Variants in TENM3 observed in about 807,000 individuals in gnomAD.
TENM3 encodes the protein teneurin transmembrane protein 3.
In TENM3, 63 loss-of-function variants were observed where a neutral mutation model predicts 255.1. That is an observed-to-expected ratio of 0.25 (90% CI 0.20 to 0.30). The LOEUF is 0.30. Among genes scored for constraint, TENM3 ranks in the 10% least tolerant of loss-of-function variants. The pLI, the probability that TENM3 is intolerant of heterozygous loss-of-function variation, is 1.00. For missense variants in TENM3, 2,929 were observed against 3,461.1 expected, an observed-to-expected ratio of 0.85 and a Z score of 3.86; for synonymous variants, 1,306 against 1,322.3, an observed-to-expected ratio of 0.99 and a Z score of 0.27.
rs563327434 is a variant in TENM3 at position 182,398,367 on chromosome 4, G to T, written c.511+51438G>T. Reference sequence around the variant, plus strand: ...ACATGCACCCCACACCTCCACTGGGGTTACTGTAGTTACTGAACAATTACC... The same window carrying T: ...ACATGCACCCCACACCTCCACTGGGTTTACTGTAGTTACTGAACAATTACC... On this transcript the variant is annotated intron_variant, in intron 3 of 27. Transcript: ENST00000511685. Among the ~76,000 whole-genome samples, 5 of 152,220 alleles carry T rather than the reference G, an allele frequency of 3.3e-5. No homozygotes were observed. In the South Asian group the frequency reaches 1.0e-3, roughly 32 times the overall value.
At chr4:181,977,442 A>C in the TENM3 span, among the ~76,000 whole-genome samples, 21 of 152,330 alleles carry the variant, frequency 1.4e-4, no homozygotes, top group South Asian at 4.4e-3. Flanking sequence ...TATCACGGTG[A>C]ATGTGACTCT....
At chr4:181,882,754 G>T in the TENM3 span, among the ~76,000 whole-genome samples, 2 of 152,166 alleles carry the variant, frequency 1.3e-5, no homozygotes, top group African/African-American at 4.8e-5. Flanking sequence ...TAATTCCGCA[G>T]TCCACTCATC....
At chr4:182,548,454 CT>C (rs1741673175) in intron 3 of TENM3, among the ~76,000 whole-genome samples, 1 of 152,120 alleles carries the variant, frequency 6.6e-6, no homozygotes, top group Admixed American at 6.5e-5. Flanking sequence ...AAGCTTTGGA[CT>C]GAAAAGCAAG....
At chr4:182,764,589 GAA>G (rs1363348920) in intron 22 of TENM3, among the ~76,000 whole-genome samples, 2 of 152,202 alleles carry the variant, frequency 1.3e-5, no homozygotes, top group East Asian at 1.9e-4. Context: ...AGAAGAGAGA[GAA>G]AGAGACTGCT....
intron 3 of TENM3, among the ~76,000 whole-genome samples, chr4:182,473,441 A>G (rs1464294692): frequency 1.3e-5 from 2 of 152,232 alleles, no homozygotes; most frequent in African/African-American, 2.4e-5. Flanking sequence ...TGGGAGGCCA[A>G]GGCGGGTGGA....
At chr4:182,032,625 T>A in the TENM3 span, among the ~76,000 whole-genome samples, 1 of 152,200 alleles carries the variant, frequency 6.6e-6, no homozygotes, top group Non-Finnish European at 1.5e-5. Context: ...TTAGAGGAAA[T>A]GGTACCAGCT....
At chr4:181,799,338 T>G in the TENM3 span, among the ~76,000 whole-genome samples, 1 of 152,198 alleles carries the variant, frequency 6.6e-6, no homozygotes, top group East Asian at 1.9e-4. Flanking sequence ...CATAAAACAA[T>G]GTAGAATATA....
At chr4:181,555,002 T>G in the TENM3 span, among the ~76,000 whole-genome samples, 1 of 152,196 alleles carries the variant, frequency 6.6e-6, no homozygotes, top group Admixed American at 6.5e-5. Flanking sequence ...GAGATAGAAT[T>G]TAACCGGTAA....
chr4:182,213,399 T>G (rs1418943035), intron 1 of TENM3, among the ~76,000 whole-genome samples: 3 of 152,216 alleles, frequency 2.0e-5, no homozygotes, highest in Non-Finnish European at 4.4e-5. Flanking sequence ...ATAATTACAC[T>G]GTTCAAGATT....
At chr4:182,177,243 A>T (rs1057390297) in intron 1 of TENM3, among the ~76,000 whole-genome samples, 9 of 152,096 alleles carry the variant, frequency 5.9e-5, no homozygotes, top group Non-Finnish European at 8.8e-5. Context: ...ACCAAGACCC[A>T]ATGATACATT....
the TENM3 span, among the ~76,000 whole-genome samples, chr4:181,733,123 A>T: frequency 1.3e-5 from 2 of 152,218 alleles, no homozygotes; most frequent in African/African-American, 4.8e-5. Flanking sequence ...CTCTGGAATT[A>T]AAGTCATTAT....
chr4:181,931,740 G>C, the TENM3 span, among the ~76,000 whole-genome samples: 8 of 152,168 alleles, frequency 5.3e-5, no homozygotes, highest in African/African-American at 1.9e-4. Context: ...CAAAGCTGGA[G>C]GCATCATGCT....
the TENM3 span, among the ~76,000 whole-genome samples, chr4:181,518,690 G>C: frequency 1.9e-3 from 290 of 152,278 alleles, 2 homozygotes; most frequent in Admixed American, 3.4e-3. Context: ...GCCTCCTAAA[G>C]TGTTGGGATT....
the TENM3 span, among the ~76,000 whole-genome samples, chr4:181,837,364 GTTTA>G: frequency 1.3e-5 from 2 of 152,172 alleles, no homozygotes; most frequent in African/African-American, 4.8e-5. Flanking sequence ...TCTATTCCTA[GTTTA>G]TAAGAGTTTT....
At chr4:182,744,934 T>A (rs141804769) in intron 19 of TENM3, among the ~76,000 whole-genome samples, 216 of 152,158 alleles carry the variant, frequency 1.4e-3, no homozygotes, top group Admixed American at 3.4e-3. Context: ...TGAAAAACTT[T>A]GCTCGGGATA....
At chr4:182,634,919 T>C (rs1751718014) in intron 5 of TENM3, among the ~76,000 whole-genome samples, 1 of 152,024 alleles carries the variant, frequency 6.6e-6, no homozygotes, top group South Asian at 2.1e-4. Context: ...TGGCCAGAAA[T>C]CCCTCATGAA....
At chr4:181,761,328 CGTG>C in the TENM3 span, among the ~76,000 whole-genome samples, 1 of 151,974 alleles carries the variant, frequency 6.6e-6, no homozygotes, top group South Asian at 2.1e-4. Context: ...AGCAAGTTAA[CGTG>C]GTGACATTTA....
chr4:181,481,907 C>A, the TENM3 span, among the ~76,000 whole-genome samples: 2 of 152,030 alleles, frequency 1.3e-5, no homozygotes, highest in African/African-American at 4.8e-5. Flanking sequence ...CAAAACAAAT[C>A]CTTAGAAACA....
chr4:181,927,342 G>A, the TENM3 span, among the ~76,000 whole-genome samples: 11 of 152,210 alleles, frequency 7.2e-5, no homozygotes, highest in East Asian at 1.9e-4. Flanking sequence ...TAGAGGGAGC[G>A]GCGTTTGCCA....
Sources: gnomAD v4.1 joint callset for allele counts (sites outside exome capture counted in the v4.1 genomes callset) on GRCh38, gnomAD v4.1.1 for gene constraint, MANE v1.5 for transcripts, NCBI Gene and HGNC (gene_info 2026-07-23, HGNC 2026-07-21) for gene names.